Variants in ELMO1 observed in about 807,000 individuals in gnomAD.
ELMO1 encodes the protein engulfment and cell motility 1.
Under a neutral mutation model 98.9 loss-of-function variants are expected in ELMO1, and 26 were observed. The observed-to-expected ratio is 0.26, with a 90% CI of 0.19 to 0.36. The LOEUF (loss-of-function observed/expected upper bound fraction) is 0.36. Among genes scored for constraint, ELMO1 ranks in the 10% least tolerant of loss-of-function variants. The pLI is 1.00. For synonymous variants in ELMO1, 346 were observed against 346.0 expected (o/e 1.00, Z 0.00); for missense variants, 627 against 935.2 (o/e 0.67, Z 4.30).
At chr7:37,027,986 G>A (rs893965704) in intron 15 of ELMO1, among the ~76,000 whole-genome samples, 5 of 152,100 alleles carry the variant, frequency 3.3e-5, no homozygotes, top group Non-Finnish European at 5.9e-5. Flanking sequence ...AGCCTAGAAA[G>A]GTGAGTTGTT....
intron 5 of ELMO1, among the ~76,000 whole-genome samples, chr7:37,269,087 T>C (rs1041823027): frequency 6.6e-6 from 1 of 152,368 alleles, no homozygotes; most frequent in African/African-American, 2.4e-5. Flanking sequence ...TAGGTGTTGT[T>C]GTTTTTAACA....
chr7:36,872,942 C>G (rs1026997809), intron 19 of ELMO1, among the ~76,000 whole-genome samples: 1 of 152,176 alleles, frequency 6.6e-6, no homozygotes, highest in Admixed American at 6.5e-5. Flanking sequence ...GCTTTGAAAA[C>G]CCATTGTATG....
chr7:37,100,766 G>A lies in ELMO1; in HGVS notation c.1192-4039C>T, dbSNP rs571399734. Among the ~76,000 whole-genome samples the A allele has an allele frequency of 5.9e-5, 9 of 152,318 alleles. No homozygotes were observed. In the East Asian group the frequency reaches 1.7e-3, roughly 29 times the overall value. ...ATAGTGGCCTCCCCACAGGCCACAC[G>A]AAGGACAGTGTGTGTGAGGTGGTAC... On this transcript the variant is annotated intron_variant, in intron 14 of 21. Transcript: ENST00000310758.
intron 13 of ELMO1, among the ~76,000 whole-genome samples, chr7:37,164,449 T>C (rs1445344808): frequency 2.0e-5 from 3 of 152,224 alleles, no homozygotes; most frequent in African/African-American, 7.2e-5. Context: ...TAGGTTTTCT[T>C]CTAGGGTTTT....
intron 15 of ELMO1, among the ~76,000 whole-genome samples, chr7:37,022,207 A>G (rs1481455805): frequency 1.3e-5 from 2 of 152,242 alleles, no homozygotes; most frequent in Non-Finnish European, 2.9e-5. Flanking sequence ...TTTCTTAAAC[A>G]AAACAGAAAT....
intron 13 of ELMO1, among the ~76,000 whole-genome samples, chr7:37,139,984 C>T (rs1350234809): frequency 3.9e-5 from 6 of 152,108 alleles, no homozygotes; most frequent in African/African-American, 1.4e-4. Context: ...CCCTATTCAA[C>T]AAATGGTGTT....
chr7:37,132,430 T>A (rs1345503725), intron 14 of ELMO1, among the ~76,000 whole-genome samples: 2 of 152,206 alleles, frequency 1.3e-5, no homozygotes, highest in Non-Finnish European at 1.5e-5. Flanking sequence ...GAATCTGGGT[T>A]CTTCACCCTG....
intron 13 of ELMO1, among the ~76,000 whole-genome samples, chr7:37,179,556 C>A (rs1037530683): frequency 6.6e-6 from 1 of 152,058 alleles, no homozygotes; most frequent in Admixed American, 6.5e-5. Flanking sequence ...GGATTACAGG[C>A]GTGAGCCACC....
chr7:37,218,102 T>G (rs1484541874), intron 10 of ELMO1, among the ~76,000 whole-genome samples: 1 of 152,220 alleles, frequency 6.6e-6, no homozygotes, highest in Non-Finnish European at 1.5e-5. Flanking sequence ...GTGGTTTTTT[T>G]GTTTCTCCTA....
intron 13 of ELMO1, among the ~76,000 whole-genome samples, chr7:37,171,062 G>C (rs1054579711): frequency 2.0e-5 from 3 of 152,200 alleles, no homozygotes; most frequent in Non-Finnish European, 4.4e-5. Context: ...GTCTTGAGTT[G>C]AAAGTGATTC....
At chr7:36,943,230 C>T (rs912460594) in intron 16 of ELMO1, among the ~76,000 whole-genome samples, 7 of 152,200 alleles carry the variant, frequency 4.6e-5, no homozygotes, top group South Asian at 2.1e-4. Flanking sequence ...CCACTGTGTA[C>T]GTTCAGTATC....
intron 1 of ELMO1, among the ~76,000 whole-genome samples, chr7:37,391,685 T>A (rs921575377): frequency 1.3e-5 from 2 of 152,180 alleles, no homozygotes; most frequent in Admixed American, 6.5e-5. Flanking sequence ...GGGGGCCGAC[T>A]TGCATGCCAC....
intron 16 of ELMO1, among the ~76,000 whole-genome samples, chr7:36,932,597 C>G (rs1036513722): frequency 3.9e-5 from 6 of 152,182 alleles, no homozygotes; most frequent in Non-Finnish European, 8.8e-5. Flanking sequence ...TGAAACAAAG[C>G]TGGAAGGTTC....
At chr7:36,928,892 C>T (rs531346070) in intron 16 of ELMO1, among the ~76,000 whole-genome samples, 3 of 152,302 alleles carry the variant, frequency 2.0e-5, no homozygotes, top group South Asian at 4.1e-4. Context: ...CTGCACAGCA[C>T]GTGCACCCAC....
chr7:37,439,856 T>C (rs1805318964), intron 1 of ELMO1, among the ~76,000 whole-genome samples: 1 of 152,158 alleles, frequency 6.6e-6, no homozygotes, highest in Non-Finnish European at 1.5e-5. Flanking sequence ...CTTGACAAAA[T>C]GTTTAATTTC....
intron 15 of ELMO1, among the ~76,000 whole-genome samples, chr7:37,086,961 A>G (rs1435110308): frequency 1.3e-5 from 2 of 152,180 alleles, no homozygotes; most frequent in Non-Finnish European, 2.9e-5. Flanking sequence ...TTTTCTAACC[A>G]GGAAGAAAAC....
At chr7:37,058,146 C>G (rs746588627) in intron 15 of ELMO1, among the ~76,000 whole-genome samples, 6 of 152,186 alleles carry the variant, frequency 3.9e-5, no homozygotes, top group Non-Finnish European at 8.8e-5. Context: ...AAACTCCACT[C>G]CAGGCTAGCA....
intron 1 of ELMO1, among the ~76,000 whole-genome samples, chr7:37,344,875 G>T (rs117872340): frequency 0.011 from 1,694 of 152,226 alleles, 9 homozygotes; most frequent in Non-Finnish European, 0.019. Flanking sequence ...TGTCTTTTTT[G>T]AGAAATTGAT....
intron 8 of ELMO1, among the ~76,000 whole-genome samples, chr7:37,227,433 T>C (rs965862110): frequency 2.6e-5 from 4 of 152,230 alleles, no homozygotes; most frequent in Admixed American, 2.6e-4. Context: ...TTGCCCAGGC[T>C]GGAGTGCAAT....
Sources: gnomAD v4.1 joint callset for allele counts (sites outside exome capture counted in the v4.1 genomes callset) on GRCh38, gnomAD v4.1.1 for gene constraint, MANE v1.5 for transcripts, NCBI Gene and HGNC (gene_info 2026-07-23, HGNC 2026-07-21) for gene names.